Variants in NFATC2 observed in about 807,000 individuals in gnomAD.
The protein encoded by NFATC2 is nuclear factor of activated T-cells, cytoplasmic 2.
NFATC2 carries 22 observed loss-of-function variants against 87.3 expected under a neutral mutation model. That is an observed-to-expected ratio of 0.25 (90% CI 0.18 to 0.36). NFATC2 has a LOEUF of 0.36. Ranked by LOEUF, NFATC2 falls within the 10% of genes least tolerant of loss-of-function variation. NFATC2 has a pLI of 1.00. For missense variants in NFATC2, 1,149 were observed against 1,259.1 expected (o/e 0.91, Z 1.32); for synonymous variants, 565 against 542.2 (o/e 1.04, Z -0.58).
intron 8 of NFATC2, 24 bp downstream of exon 8, chr20:51,435,163 AG>A (rs753785304): frequency 4.3e-6 from 7 of 1,613,256 alleles, no homozygotes; most frequent in Middle Eastern, 3.3e-4. Flanking sequence ...TCAATAACAA[AG>A]GGGTCATCAG....
intron 1 of NFATC2, among the ~76,000 whole-genome samples, chr20:51,527,521 C>T (rs1265130944): frequency 6.6e-6 from 1 of 152,170 alleles, no homozygotes; most frequent in Non-Finnish European, 1.5e-5. Context: ...TCCACCCCCA[C>T]CAATCAGCAA....
At chr20:51,485,891 A>C (rs754530954) in intron 3 of NFATC2, among the ~76,000 whole-genome samples, 10 of 152,124 alleles carry the variant, frequency 6.6e-5, no homozygotes, top group Non-Finnish European at 1.5e-4. Context: ...TTCTGGTCTC[A>C]GTTCTTGGAA....
intron 1 of NFATC2, among the ~76,000 whole-genome samples, chr20:51,540,066 G>A (rs1013249689): frequency 1.3e-5 from 2 of 152,324 alleles, no homozygotes; most frequent in East Asian, 1.9e-4. Context: ...CCAGGCTGGA[G>A]TGCAATGGTG....
chr20:51,529,385 T>C (rs2076597372), intron 1 of NFATC2, among the ~76,000 whole-genome samples: 1 of 152,136 alleles, frequency 6.6e-6, no homozygotes, highest in Non-Finnish European at 1.5e-5. Flanking sequence ...TTGACAAGAC[T>C]TTAAATGTTT....
upstream of NFATC2, among the ~76,000 whole-genome samples, chr20:51,546,152 G>A (rs925608359): frequency 1.6e-4 from 24 of 152,302 alleles, no homozygotes; most frequent in African/African-American, 3.8e-4. Flanking sequence ...AGGCAGGACC[G>A]TTCAGGACAG....
intron 3 of NFATC2, among the ~76,000 whole-genome samples, chr20:51,486,695 T>C (rs933714711): frequency 6.7e-6 from 1 of 149,900 alleles, no homozygotes; most frequent in Admixed American, 6.8e-5. Context: ...GCTGAATAAA[T>C]AAACGAATAG....
chr20:51,507,896 G>A (rs997666601), intron 3 of NFATC2, among the ~76,000 whole-genome samples: 1 of 152,170 alleles, frequency 6.6e-6, no homozygotes, highest in East Asian at 1.9e-4. Context: ...CTATGGCATC[G>A]CTGCAAAGAC....
chr20:51,390,908 G>A lies in NFATC2; in HGVS notation c.*588C>T, dbSNP rs567602596. The A allele has an allele frequency of 8.8e-4, 190 of 215,896 alleles. No individual in the cohort carries two copies. The highest frequency in any genetic ancestry group is 4.2e-3 in the African/African-American group (183 of 43,382). The allele number at this position is 215,896 out of a possible 1,614,324, so 13.4% of individuals were successfully genotyped here. A position where few individuals can be genotyped will look rare whatever the true frequency, so the allele number is the denominator to read the frequency against. ...CGAGGGTTTTGGGTTTCTTCAGCCT[G>A]TAAGCTGGGCTCTTGGGTCACGTTC... On this transcript the variant is annotated 3_prime_UTR_variant, in exon 11 of 11. Coordinates refer to ENST00000371564, the MANE Select transcript of NFATC2 (RefSeq NM_012340.5).
chr20:51,413,412 T>C (rs1404313191), intron 9 of NFATC2, among the ~76,000 whole-genome samples: 9 of 151,808 alleles, frequency 5.9e-5, no homozygotes, highest in Non-Finnish European at 1.3e-4. Flanking sequence ...ATGCTAGAGG[T>C]TTTTATTTGC....
intron 3 of NFATC2, among the ~76,000 whole-genome samples, chr20:51,481,407 A>G (rs1381929639): frequency 6.6e-6 from 1 of 151,842 alleles, no homozygotes; most frequent in Non-Finnish European, 1.5e-5. Context: ...ATCACACTCC[A>G]GGCACAGCAG....
chr20:51,397,918 T>A (rs566975097), intron 10 of NFATC2, among the ~76,000 whole-genome samples: 3 of 152,238 alleles, frequency 2.0e-5, no homozygotes, highest in Admixed American at 6.5e-5. Context: ...AATGCAACCT[T>A]CCTTCCTCAA....
rs1986184145 is a variant in NFATC2 at position 51,390,355 on chromosome 20, A to G, written c.*1141T>C. Reference sequence around the variant, plus strand: ...TTTTCCTCTATCTTGGTAGAAACCCACCTCCAGAAGCACTTGGGCTGTTTT... The same window carrying G: ...TTTTCCTCTATCTTGGTAGAAACCCGCCTCCAGAAGCACTTGGGCTGTTTT... On this transcript the variant is annotated 3_prime_UTR_variant, in exon 11 of 11. Transcript: ENST00000371564. 6.6e-6 allele frequency: 1 copy of G among 152,128 alleles called. No individual in the cohort carries two copies. Among genetic ancestry groups the G allele is most frequent in the African/African-American group, 2.4e-5 (1 of 41,430 alleles). The allele number at this position is 152,128 out of a possible 1,614,324, so 9.4% of individuals were successfully genotyped here.
rs1222376909 is a variant in NFATC2 at position 51,435,392 on chromosome 20, G to A, written c.1906-78C>T. ...CCCAGACCCTAAGCGCATCCAGGCA[G>A]CCCACTGTCTAATGGGTGTTTTGAT... On this transcript the variant is annotated intron_variant, in intron 7 of 10. Transcript: ENST00000371564. 27 of 1,589,922 alleles carry A rather than the reference G, an allele frequency of 1.7e-5. No individual in the cohort carries two copies. The South Asian group carries it at 2.5e-4, about 15-fold the overall frequency.
intron 5 of NFATC2, among the ~76,000 whole-genome samples, chr20:51,465,745 C>T (rs1038238629): frequency 6.6e-6 from 1 of 151,954 alleles, no homozygotes; most frequent in Non-Finnish European, 1.5e-5. Context: ...GCCACCAACC[C>T]GTGGTCCTTG....
rs1986032173 is a variant in NFATC2 at position 51,388,788 on chromosome 20, C to A, written c.*2708G>T. 1 of 152,202 alleles carries A rather than the reference C, an allele frequency of 6.6e-6. No individual in the cohort carries two copies. The highest frequency in any genetic ancestry group is 1.5e-5 in the Non-Finnish European group (1 of 68,040). 9.4% of individuals were successfully genotyped at this position (152,202 alleles called of 1,614,324 possible). On this transcript the variant is annotated 3_prime_UTR_variant, in exon 11 of 11. Transcript: ENST00000371564. ...TCAGAGTGCTACATATTTACATTAA[C>A]TTAGATGTAGCAGTGCAAACCTTCA...
At chr20:51,397,870 A>T (rs1987421865) in intron 10 of NFATC2, among the ~76,000 whole-genome samples, 1 of 152,190 alleles carries the variant, frequency 6.6e-6, no homozygotes. Context: ...AGATTAAATA[A>T]CAGCAACAGC....
At position 51,473,169 on chromosome 20, in the gene NFATC2, C is replaced by T. The variant is rs530867420; in HGVS notation, c.1708+811G>A. On this transcript the variant is annotated intron_variant, in intron 5 of 10. Coordinates refer to ENST00000371564, the MANE Select transcript of NFATC2 (RefSeq NM_012340.5). ...ATCCTGGTCACTTCGTATCAGACTCCGAAAATCTTCTGCAATGATACAACC... is the reference window on the plus strand; with the variant it reads ...ATCCTGGTCACTTCGTATCAGACTCTGAAAATCTTCTGCAATGATACAACC... 1.1e-4 allele frequency among the ~76,000 whole-genome samples: 17 copies of T among 152,200 alleles called. No homozygotes were observed. The South Asian group carries it at 3.5e-3, about 32-fold the overall frequency.
intron 4 of NFATC2, among the ~76,000 whole-genome samples, chr20:51,474,892 T>A (rs930730123): frequency 1.2e-4 from 19 of 152,200 alleles, no homozygotes; most frequent in Admixed American, 6.5e-5. Flanking sequence ...TTTAACCTGA[T>A]CCCATGCAAC....
intron 6 of NFATC2, among the ~76,000 whole-genome samples, chr20:51,440,742 C>A (rs1178533383): frequency 6.6e-6 from 1 of 152,168 alleles, no homozygotes; most frequent in African/African-American, 2.4e-5. Context: ...AACAAGTCCC[C>A]AACAGGAAGT....
Sources: gnomAD v4.1 joint callset for allele counts (sites outside exome capture counted in the v4.1 genomes callset) on GRCh38, gnomAD v4.1.1 for gene constraint, MANE v1.5 for transcripts, NCBI Gene and HGNC (gene_info 2026-07-23, HGNC 2026-07-21) for gene names.